The following LRP1B variants were observed in gnomAD, a reference collection of about 807,000 sequenced individuals.
The protein encoded by LRP1B is LDL receptor related protein 1B.
A neutral mutation model predicts 556.6 loss-of-function variants in LRP1B; 217 were observed. That is an observed-to-expected ratio of 0.39 (90% CI 0.35 to 0.44). The LOEUF (loss-of-function observed/expected upper bound fraction) is 0.44, where lower values mean the gene tolerates loss of function less well. Ranked by LOEUF, LRP1B falls within the 20% of genes least tolerant of loss-of-function variation. LRP1B has a pLI of 1.00. For synonymous variants in LRP1B, 2,047 were observed against 1,865.8 expected, an observed-to-expected ratio of 1.10 and a Z score of -2.50; for missense variants, 5,053 against 5,620.8, an observed-to-expected ratio of 0.90 and a Z score of 3.23.
chr2:140,517,941 C>T (rs10208453), intron 49 of LRP1B, among the ~76,000 whole-genome samples: 6,634 of 151,930 alleles, frequency 0.044, 435 homozygotes, highest in African/African-American at 0.14. Flanking sequence ...GAACTTCTGA[C>T]GTCATGATCC....
intron 1 of LRP1B, among the ~76,000 whole-genome samples, chr2:141,853,795 A>G (rs1240895865): frequency 6.6e-6 from 1 of 152,050 alleles, no homozygotes; most frequent in Admixed American, 6.6e-5. Context: ...TCCAACAAAC[A>G]TAAAGTATGC....
intron 1 of LRP1B, among the ~76,000 whole-genome samples, chr2:141,996,719 C>CG (rs916554942): frequency 6.0e-5 from 9 of 149,750 alleles, no homozygotes; most frequent in African/African-American, 9.9e-5. Context: ...TCTTTCCCCC[C>CG]CCCTACAAAC....
intron 7 of LRP1B, among the ~76,000 whole-genome samples, chr2:141,063,968 C>G (rs1699410126): frequency 6.6e-6 from 1 of 151,794 alleles, no homozygotes; most frequent in African/African-American, 2.4e-5. Flanking sequence ...CAACTGTTTA[C>G]ATGGTACTTA....
intron 77 of LRP1B, among the ~76,000 whole-genome samples, chr2:140,349,414 C>CCTA (rs201894879): frequency 0.039 from 5,943 of 151,900 alleles, 205 homozygotes; most frequent in African/African-American, 0.094. Context: ...ACAGAATCAT[C>CCTA]CTGTTAATAG....
intron 5 of LRP1B, among the ~76,000 whole-genome samples, chr2:141,230,722 C>A (rs1188702386): frequency 1.3e-5 from 2 of 152,188 alleles, no homozygotes; most frequent in Non-Finnish European, 2.9e-5. Flanking sequence ...GGGCTTCCCA[C>A]TTCCTGGAAT....
intron 1 of LRP1B, among the ~76,000 whole-genome samples, chr2:142,054,037 C>G (rs1221666177): frequency 6.6e-6 from 1 of 152,084 alleles, no homozygotes; most frequent in Non-Finnish European, 1.5e-5. Context: ...ACACTTTAAG[C>G]TAATCGTTGG....
intron 6 of LRP1B, among the ~76,000 whole-genome samples, chr2:141,207,862 G>A (rs913334742): frequency 6.6e-6 from 1 of 152,186 alleles, no homozygotes; most frequent in African/African-American, 2.4e-5. Flanking sequence ...ATTTAGTAAA[G>A]ATGGGGTTTT....
At chr2:140,569,774 G>A (rs890406567) in intron 43 of LRP1B, among the ~76,000 whole-genome samples, 7 of 151,714 alleles carry the variant, frequency 4.6e-5, no homozygotes, top group Admixed American at 4.6e-4. Flanking sequence ...ACATTCTCCA[G>A]GATAGACCAT....
intron 35 of LRP1B, among the ~76,000 whole-genome samples, chr2:140,747,291 A>C (rs1688349821): frequency 6.6e-6 from 1 of 152,174 alleles, no homozygotes; most frequent in Non-Finnish European, 1.5e-5. Context: ...TAGGTGACAA[A>C]ATTCAAAACA....
intron 2 of LRP1B, among the ~76,000 whole-genome samples, chr2:141,725,039 T>C (rs1002042280): frequency 2.0e-5 from 3 of 151,956 alleles, no homozygotes; most frequent in African/African-American, 7.2e-5. Context: ...TAAAATTAAG[T>C]TAAATTTAGT....
intron 1 of LRP1B, among the ~76,000 whole-genome samples, chr2:142,017,161 A>G (rs1703174520): frequency 6.6e-6 from 1 of 152,072 alleles, no homozygotes; most frequent in Non-Finnish European, 1.5e-5. Context: ...TAATATAAAG[A>G]CAAAAAATTG....
chr2:140,664,309 G>T (rs546021113), intron 41 of LRP1B, among the ~76,000 whole-genome samples: 1 of 152,204 alleles, frequency 6.6e-6, no homozygotes, highest in South Asian at 2.1e-4. Flanking sequence ...CATGCAAAAA[G>T]CACAACATCT....
intron 68 of LRP1B, among the ~76,000 whole-genome samples, chr2:140,374,817 G>A (rs1418143016): frequency 6.6e-6 from 1 of 152,050 alleles, no homozygotes; most frequent in Non-Finnish European, 1.5e-5. Context: ...ATTTTTAGGA[G>A]CGATGAATGA....
At chr2:141,272,969 C>G (rs773151397) in intron 3 of LRP1B, among the ~76,000 whole-genome samples, 1 of 152,098 alleles carries the variant, frequency 6.6e-6, no homozygotes, top group Non-Finnish European at 1.5e-5. Flanking sequence ...ACAACTAGAC[C>G]TAGTTGACAT....
At chr2:140,534,841 T>A (rs1264939948) in intron 46 of LRP1B, among the ~76,000 whole-genome samples, 1 of 152,284 alleles carries the variant, frequency 6.6e-6, no homozygotes, top group East Asian at 1.9e-4. Flanking sequence ...TCGACTACCA[T>A]AAGAGCTAGT....
chr2:141,487,040 A>G (rs1370863206), intron 2 of LRP1B, among the ~76,000 whole-genome samples: 2 of 151,982 alleles, frequency 1.3e-5, no homozygotes, highest in African/African-American at 4.8e-5. Flanking sequence ...TTCTATTCAC[A>G]CCATTATTTT....
At chr2:142,087,626 A>C (rs1705996883) in intron 1 of LRP1B, among the ~76,000 whole-genome samples, 1 of 151,750 alleles carries the variant, frequency 6.6e-6, no homozygotes, top group Non-Finnish European at 1.5e-5. Flanking sequence ...CAAATATAAA[A>C]TATCGCCCCT....
intron 31 of LRP1B, among the ~76,000 whole-genome samples, chr2:140,834,850 A>T (rs537584699): frequency 6.6e-6 from 1 of 152,226 alleles, no homozygotes; most frequent in African/African-American, 2.4e-5. Context: ...GTTCTCTTTC[A>T]GATGTCATTA....
intron 1 of LRP1B, among the ~76,000 whole-genome samples, chr2:141,996,225 A>C (rs1559010946): frequency 8.1e-6 from 1 of 124,028 alleles, no homozygotes; most frequent in African/African-American, 3.3e-5. Flanking sequence ...AAAAAAAAAA[A>C]AAACGTTATA....
Sources: gnomAD v4.1 joint callset for allele counts (sites outside exome capture counted in the v4.1 genomes callset) on GRCh38, gnomAD v4.1.1 for gene constraint, MANE v1.5 for transcripts, NCBI Gene and HGNC (gene_info 2026-07-23, HGNC 2026-07-21) for gene names.